Variants in ANKRD11 observed in about 807,000 individuals in gnomAD.
ANKRD11 encodes ankyrin repeat domain-containing protein 11.
In ANKRD11, 17 loss-of-function variants were observed where a neutral mutation model predicts 195.7. The ratio of observed to expected loss-of-function variants is 0.09; its 90% CI spans 0.06 to 0.13. The LOEUF is 0.13. Ranked by LOEUF, ANKRD11 falls within the 10% of genes least tolerant of loss-of-function variation. ANKRD11 has a pLI of 1.00. For synonymous variants in ANKRD11, 1,953 were observed against 1,528.1 expected (o/e 1.28, Z -6.49); for missense variants, 3,735 against 3,566.1 (o/e 1.05, Z -1.21).
At chr16:89,343,237 CCCAGCTCGG>C (rs2038776790) in intron 2 of ANKRD11, among the ~76,000 whole-genome samples, 1 of 152,110 alleles carries the variant, frequency 6.6e-6, no homozygotes, top group Non-Finnish European at 1.5e-5. Flanking sequence ...GAGTGATCCA[CCCAGCTCGG>C]CCTCCCGAAG....
chr16:89,296,381 C>T (rs904341376), intron 4 of ANKRD11, among the ~76,000 whole-genome samples: 1 of 152,198 alleles, frequency 6.6e-6, no homozygotes, highest in Non-Finnish European at 1.5e-5. Flanking sequence ...TCCTCCACAG[C>T]TCCCCGCTTC....
intron 3 of ANKRD11, among the ~76,000 whole-genome samples, chr16:89,308,549 G>A (rs530741527): frequency 5.9e-5 from 9 of 152,316 alleles, no homozygotes; most frequent in African/African-American, 1.7e-4. Flanking sequence ...TGACAGCCAC[G>A]AGGAGATGCA....
intron 1 of ANKRD11, among the ~76,000 whole-genome samples, chr16:89,434,550 C>T (rs1021553582): frequency 1.3e-5 from 2 of 152,240 alleles, no homozygotes; most frequent in African/African-American, 2.4e-5. Context: ...CACAGTAAGG[C>T]TGCAGAAGCA....
At position 89,279,923 on chromosome 16, in the gene ANKRD11, G is replaced by A. The variant is rs897282716; in HGVS notation, c.6619C>T (p.Pro2207Ser). 6.2e-7 allele frequency: 1 copy of A among 1,609,860 alleles called. No individual in the cohort carries two copies. The highest frequency in any genetic ancestry group is 1.1e-5 in the South Asian group (1 of 90,930). The change falls in exon 9 of 13, where the codon CCC (proline) becomes TCC (serine). Residue 2207 changes from proline to serine, a missense_variant. Transcript: ENST00000301030. This position sits in a 1 kb window ranked among gnomAD's most constrained non-coding sequence, Gnocchi z 5.6. ...TRLPAELEPEPSGEPKLDVAL... is the reference protein window; with the variant it reads ...TRLPAELEPESSGEPKLDVAL... ...ACGTCCAGCTTTGGCTCCCCTGAGG[G>A]CTCAGGCTCGAGCTCTGCAGGGAGC...
Position 89,453,163 on chromosome 16 carries a change from T to C in ANKRD11, c.-144-34795A>G, listed in dbSNP as rs192780735. Among the ~76,000 whole-genome samples the C allele has an allele frequency of 4.2e-3, 635 of 152,324 alleles. 7 individuals carry two copies. The highest frequency in any genetic ancestry group is 6.8e-3 in the Middle Eastern group (2 of 294). ...ATAATAGTATTTAACAAGATAAATA[T>C]CTTGGCTCCTTTTTGTTTTTATTGC... On this transcript the variant is annotated intron_variant, in intron 1 of 12. Transcript: ENST00000301030.
At chr16:89,302,847 C>G (rs971536314) in intron 4 of ANKRD11, among the ~76,000 whole-genome samples, 4 of 152,220 alleles carry the variant, frequency 2.6e-5, no homozygotes, top group Non-Finnish European at 5.9e-5. Context: ...CTGCCCCTCA[C>G]AGAGTAAGGA....
intron 2 of ANKRD11, chr16:89,395,801 G>A (rs144011709): frequency 6.6e-6 from 1 of 152,308 alleles, no homozygotes; most frequent in Non-Finnish European, 1.5e-5. Context: ...TGCCTTCTCA[G>A]CTGGGTGACA....
chr16:89,281,392 T>A lies in ANKRD11; in HGVS notation c.5150A>T (p.Glu1717Val), dbSNP rs551558075. The change falls in exon 9 of 13, where the codon GAG (glutamate) becomes GTG (valine). Residue 1717 changes from glutamate to valine, a missense_variant. Coordinates refer to ENST00000301030, the MANE Select transcript of ANKRD11 (RefSeq NM_013275.6). The surrounding 1 kb of genome is among the most constrained non-coding windows in gnomAD (Gnocchi z 5.5). ...TSVLSCPSYEEVMHTPRTPSC... is the reference protein window; with the variant it reads ...TSVLSCPSYEVVMHTPRTPSC... ...CGGGGTCCTGGGCGTGTGCATCACC[T>A]CCTCGTAGCTGGGGCAGGATAGCAC... 1.7e-5 allele frequency: 28 copies of A among 1,608,826 alleles called. No homozygotes were observed. Among genetic ancestry groups the A allele is most frequent in the Non-Finnish European group, 2.3e-5 (27 of 1,176,162 alleles).
At chr16:89,286,016 C>T in intron 8 of ANKRD11, 23 bp downstream of exon 8, 1 of 1,614,116 alleles carries the variant, frequency 6.2e-7, no homozygotes, top group Non-Finnish European at 8.5e-7. Flanking sequence ...AAAGAACAGG[C>T]AGCTCAGGTG....
chr16:89,478,424 C>T (rs1163659504), intron 1 of ANKRD11, among the ~76,000 whole-genome samples: 1 of 152,096 alleles, frequency 6.6e-6, no homozygotes, highest in African/African-American at 2.4e-5. Flanking sequence ...TTAAGCAACC[C>T]GACGCCTCCA....
intron 1 of ANKRD11, among the ~76,000 whole-genome samples, chr16:89,427,105 G>A (rs1213072003): frequency 6.6e-6 from 1 of 152,124 alleles, no homozygotes; most frequent in Non-Finnish European, 1.5e-5. Flanking sequence ...AAAGTCAGCT[G>A]TATCATCATC....
rs925035230 is a variant in ANKRD11 at position 89,270,923 on chromosome 16, A to G, written c.7714-14T>C. 6.2e-7 allele frequency: 1 copy of G among 1,613,738 alleles called. No individual in the cohort carries two copies. ...GTTCTCGTCACCCTGTGGAAACCAA[A>G]CACGGGAGTTTCATCAGGAGCCCCA... On this transcript the variant is annotated splice_polypyrimidine_tract_variant and intron_variant, in intron 11 of 12. Coordinates refer to ENST00000301030, the MANE Select transcript of ANKRD11 (RefSeq NM_013275.6).
chr16:89,300,732 A>G (rs756216773), intron 4 of ANKRD11: 84 of 553,714 alleles, frequency 1.5e-4, no homozygotes, highest in Non-Finnish European at 2.3e-4. Flanking sequence ...GAAGGTGCCA[A>G]GCACCTAACG....
At chr16:89,352,048 G>A (rs1271196091) in intron 2 of ANKRD11, among the ~76,000 whole-genome samples, 2 of 152,156 alleles carry the variant, frequency 1.3e-5, no homozygotes, top group African/African-American at 4.8e-5. Flanking sequence ...ACAGGCACAA[G>A]CCACCAGGCC....
chr16:89,323,486 G>A (rs2037478012), intron 2 of ANKRD11, among the ~76,000 whole-genome samples: 1 of 112,008 alleles, frequency 8.9e-6, no homozygotes, highest in Non-Finnish European at 1.8e-5. Context: ...GCAGAGCCCA[G>A]GGCAGGGGGG....
intron 2 of ANKRD11, among the ~76,000 whole-genome samples, chr16:89,362,328 G>A (rs1033816835): frequency 1.3e-5 from 2 of 152,164 alleles, no homozygotes; most frequent in African/African-American, 4.8e-5. Context: ...GAAACCTCAC[G>A]ACACCTTGCA....
rs375476906 is a variant in ANKRD11, at chr16:89,285,094, C to T, written c.1448G>A (p.Ser483Asn). ...SDKFCSSESE[S>N]ESSESGEDDR... is the part of the protein sequence containing the mutation. ...ATCCTCCCCACTCTCTGAGGACTCGCTCTCCGACTCCGAGGAGCAGAACTT... is the reference window on the plus strand; with the variant it reads ...ATCCTCCCCACTCTCTGAGGACTCGTTCTCCGACTCCGAGGAGCAGAACTT... The change falls in exon 9 of 13, where the codon AGC (serine) becomes AAC (asparagine). Residue 483 changes from serine to asparagine, a missense_variant. Ser to Asn is a conservative substitution (Grantham distance 46, BLOSUM62 1). Coordinates refer to ENST00000301030, the MANE Select transcript of ANKRD11 (RefSeq NM_013275.6). The surrounding 1 kb of genome is among the most constrained non-coding windows in gnomAD (Gnocchi z 5.6). The T allele has an allele frequency of 1.9e-6, 3 of 1,613,712 alleles. No individual in the cohort carries two copies. Among genetic ancestry groups the T allele is most frequent in the Non-Finnish European group, 2.5e-6 (3 of 1,180,056 alleles).
intron 2 of ANKRD11, among the ~76,000 whole-genome samples, chr16:89,387,457 G>T (rs1395079173): frequency 6.6e-6 from 1 of 151,744 alleles, no homozygotes; most frequent in Non-Finnish European, 1.5e-5. Flanking sequence ...CAGATCACGA[G>T]GTCAGGAGAC....
At chr16:89,450,342 G>C (rs1186490032) in intron 1 of ANKRD11, among the ~76,000 whole-genome samples, 1 of 152,148 alleles carries the variant, frequency 6.6e-6, no homozygotes, top group African/African-American at 2.4e-5. Flanking sequence ...ATAAGACTCA[G>C]AGACAGAATG....
Sources: allele counts gnomAD v4.1 joint callset (sites outside exome capture counted in the v4.1 genomes callset), GRCh38; gene constraint gnomAD v4.1.1; non-coding constraint Gnocchi (gnomAD v3.1); transcripts MANE v1.5; gene names NCBI Gene and HGNC (gene_info 2026-07-23, HGNC 2026-07-21).